CD86: variants seen among roughly 807,000 people sequenced by gnomAD.
CD86 encodes T-lymphocyte activation antigen CD86.
Under a neutral mutation model 32.1 loss-of-function variants are expected in CD86, and 11 were observed. That is an observed-to-expected ratio of 0.34 (90% CI 0.22 to 0.57). The LOEUF is 0.57. CD86 is among the 20% of genes least tolerant of loss of function. The pLI is 0.86. For missense variants in CD86, 359 were observed against 398.4 expected (o/e 0.90, Z 0.84); for synonymous variants, 137 against 135.3 (o/e 1.01, Z -0.09).
intron 1 of CD86, among the ~76,000 whole-genome samples, chr3:122,079,658 C>A (rs1284416878): frequency 6.6e-6 from 1 of 152,174 alleles, no homozygotes; most frequent in African/African-American, 2.4e-5. Context: ...TATCTCTCCT[C>A]TCTTCTCCTA....
In CD86 at chr3:122,092,396, C is replaced by T. The variant is rs541850226; in HGVS notation, c.64+746C>T. 9.6e-4 allele frequency among the ~76,000 whole-genome samples: 146 copies of T among 152,318 alleles called. 2 individuals carry two copies. Among genetic ancestry groups the T allele is most frequent in the Non-Finnish European group, 1.4e-3 (98 of 68,030 alleles). On this transcript the variant is annotated intron_variant, in intron 2 of 6. Coordinates refer to ENST00000330540, the MANE Select transcript of CD86 (RefSeq NM_175862.5). ...CACAATAAGTTATGACCACTGTCTC[C>T]TTCCTCTGCAACTTTTCCCTCCATG... is the stretch of plus-strand genomic sequence containing the variant.
At chr3:122,078,151 T>A in intron 1 of CD86, 2 of 606,136 alleles carry the variant, frequency 3.3e-6, no homozygotes, top group Non-Finnish European at 4.1e-6. Flanking sequence ...AGAGAATGAG[T>A]AAAAGGGATT....
At chr3:122,091,056 G>A (rs910077436) in intron 1 of CD86, among the ~76,000 whole-genome samples, 134 of 152,282 alleles carry the variant, frequency 8.8e-4, no homozygotes, top group African/African-American at 2.9e-3. Flanking sequence ...AATACTAACC[G>A]ATTGCCCCCA....
At chr3:122,093,626 G>C (rs2072861624) in intron 2 of CD86, among the ~76,000 whole-genome samples, 1 of 152,172 alleles carries the variant, frequency 6.6e-6, no homozygotes, top group Non-Finnish European at 1.5e-5. Flanking sequence ...TAAAAATATG[G>C]TGTTATAATC....
At chr3:122,101,502 AAAAAAAAAAAAAT>A (rs2073001111) in intron 2 of CD86, among the ~76,000 whole-genome samples, 2 of 36,772 alleles carry the variant, frequency 5.4e-5, no homozygotes, top group South Asian at 2.8e-3. Context: ...ACAGAAAAAA[AAAAAAAAAAAAAT>A]ATATATATAT....
At chr3:122,069,218 G>C (rs1051363137) in intron 1 of CD86, among the ~76,000 whole-genome samples, 1 of 151,694 alleles carries the variant, frequency 6.6e-6, no homozygotes, top group African/African-American at 2.4e-5. Flanking sequence ...TGGATCTCAA[G>C]ACCAGTCCAA....
chr3:122,065,572 G>T (rs148432085), intron 1 of CD86, among the ~76,000 whole-genome samples: 5 of 152,278 alleles, frequency 3.3e-5, no homozygotes, highest in Non-Finnish European at 7.3e-5. Flanking sequence ...GCTTCCAATG[G>T]TGTATAAGCT....
intron 5 of CD86, among the ~76,000 whole-genome samples, chr3:122,112,468 C>A (rs1347737364): frequency 6.6e-6 from 1 of 152,100 alleles, no homozygotes; most frequent in Non-Finnish European, 1.5e-5. Context: ...AGGCACGTGC[C>A]ACCAAGCCCA....
intron 1 of CD86, among the ~76,000 whole-genome samples, chr3:122,068,849 C>G (rs753245361): frequency 1.8e-4 from 27 of 152,130 alleles, no homozygotes; most frequent in Non-Finnish European, 2.9e-4. Context: ...GAAGTTAAAT[C>G]ACTTAGACCG....
At chr3:122,087,681 A>C (rs1025107509) in intron 1 of CD86, among the ~76,000 whole-genome samples, 1 of 152,182 alleles carries the variant, frequency 6.6e-6, no homozygotes, top group African/African-American at 2.4e-5. Flanking sequence ...CCAAATTAAC[A>C]TTAGTGAAGC....
chr3:122,113,662 T>C (rs985465367), intron 5 of CD86, among the ~76,000 whole-genome samples: 5 of 152,214 alleles, frequency 3.3e-5, no homozygotes, highest in African/African-American at 7.2e-5. Flanking sequence ...TTTTCAGAAT[T>C]GTCTATTCAT....
At chr3:122,115,740 C>CA (rs769868417) in intron 5 of CD86, among the ~76,000 whole-genome samples, 4,258 of 27,462 alleles carry the variant, frequency 0.16, 1,052 homozygotes, top group Non-Finnish European at 0.21. Flanking sequence ...AACTCCCTCT[C>CA]AAAAAAAAAA....
At chr3:122,102,087 G>C (rs914242978) in intron 2 of CD86, among the ~76,000 whole-genome samples, 3 of 151,998 alleles carry the variant, frequency 2.0e-5, no homozygotes, top group African/African-American at 7.2e-5. Flanking sequence ...GTTCTCACTG[G>C]GCCACTCTGT....
At chr3:122,106,855 C>CACACACACAT (rs2073099891) in intron 4 of CD86, among the ~76,000 whole-genome samples, 1 of 151,786 alleles carries the variant, frequency 6.6e-6, no homozygotes. Flanking sequence ...CACACACACA[C>CACACACACAT]ACACACACAC....
At chr3:122,085,096 A>C (rs1003334604) in intron 1 of CD86, among the ~76,000 whole-genome samples, 1 of 152,232 alleles carries the variant, frequency 6.6e-6, no homozygotes, top group Non-Finnish European at 1.5e-5. Context: ...TTATATTCCT[A>C]GCACCAAACA....
At chr3:122,096,234 T>C (rs140177905) in intron 2 of CD86, among the ~76,000 whole-genome samples, 13 of 152,206 alleles carry the variant, frequency 8.5e-5, no homozygotes, top group African/African-American at 2.9e-4. Context: ...CCTGGCTAGT[T>C]TTTTTTGTTG....
In CD86 at chr3:122,091,596, T is replaced by C. The variant is rs2072823822; in HGVS notation, c.15-5T>C. ...AAGTTTTACCTTTTTTTTTCTCGAC[T>C]CTAGCACTATGGGACTGAGTAACAT... On this transcript the variant is annotated splice_region_variant and splice_polypyrimidine_tract_variant and intron_variant, in intron 1 of 6. Transcript: ENST00000330540. 5 of 1,607,802 alleles carry C rather than the reference T, an allele frequency of 3.1e-6. No homozygotes were observed. The highest frequency in any genetic ancestry group is 1.3e-5 in the African/African-American group (1 of 74,596).
At chr3:122,115,896 C>A (rs548126878) in intron 5 of CD86, among the ~76,000 whole-genome samples, 2 of 151,982 alleles carry the variant, frequency 1.3e-5, no homozygotes, top group Non-Finnish European at 2.9e-5. Flanking sequence ...AATAGATTCA[C>A]ACTGTTGACA....
chr3:122,118,993 T>C (rs1422809398), intron 6 of CD86, among the ~76,000 whole-genome samples: 1 of 152,078 alleles, frequency 6.6e-6, no homozygotes, highest in East Asian at 1.9e-4. Context: ...CAAGCCTGGT[T>C]TCAGAGATAG....
Sources: allele counts gnomAD v4.1 joint callset (sites outside exome capture counted in the v4.1 genomes callset), GRCh38; gene constraint gnomAD v4.1.1; transcripts MANE v1.5; gene names NCBI Gene and HGNC (gene_info 2026-07-23, HGNC 2026-07-21).